The following RNF121 variants were observed in gnomAD, a reference collection of about 807,000 sequenced individuals.
RNF121 encodes the protein E3 ubiquitin ligase RNF121.
A neutral mutation model predicts 46.5 loss-of-function variants in RNF121; 21 were observed. The observed-to-expected ratio is 0.45, with a 90% CI of 0.32 to 0.65. RNF121 has a LOEUF of 0.65. Among genes scored for constraint, RNF121 ranks in the 30% least tolerant of loss-of-function variants. RNF121 has a pLI of 0.04. For missense variants in RNF121, 346 were observed against 416.0 expected, an observed-to-expected ratio of 0.83 and a Z score of 1.46; for synonymous variants, 139 against 144.7, an observed-to-expected ratio of 0.96 and a Z score of 0.28.
intron 1 of RNF121, among the ~76,000 whole-genome samples, chr11:71,953,987 G>A (rs1414561083): frequency 2.0e-5 from 3 of 152,144 alleles, no homozygotes; most frequent in Admixed American, 6.5e-5. Context: ...CATGACTGGG[G>A]GCCTTGTGAG....
intron 6 of RNF121, 21 bp from the exon 7 acceptor site, chr11:71,994,698 C>G: frequency 6.2e-7 from 1 of 1,613,840 alleles, no homozygotes; most frequent in Non-Finnish European, 8.5e-7. Context: ...CCTATCTTTC[C>G]TTCCTGCTAT....
At chr11:71,978,162 A>G (rs572267430) in intron 3 of RNF121, 21 of 452,516 alleles carry the variant, frequency 4.6e-5, no homozygotes, top group African/African-American at 1.0e-4. Flanking sequence ...CAGCCCCCCA[A>G]TGTGCTCGAA....
chr11:71,947,926 T>C (rs771298012), intron 1 of RNF121, among the ~76,000 whole-genome samples: 3 of 152,056 alleles, frequency 2.0e-5, no homozygotes, highest in Non-Finnish European at 4.4e-5. Flanking sequence ...TCAAGGGAGA[T>C]TTTATAGATG....
At chr11:71,983,939 G>T (rs1403126645) in intron 4 of RNF121, among the ~76,000 whole-genome samples, 1 of 152,176 alleles carries the variant, frequency 6.6e-6, no homozygotes, top group African/African-American at 2.4e-5. Flanking sequence ...GAGTTTCATT[G>T]TATAAGGTAA....
chr11:71,946,015 G>T (rs1953706430), intron 1 of RNF121, among the ~76,000 whole-genome samples: 1 of 152,054 alleles, frequency 6.6e-6, no homozygotes, highest in Non-Finnish European at 1.5e-5. Flanking sequence ...GGAGGCTGAG[G>T]TGGGAGTATC....
intron 3 of RNF121, among the ~76,000 whole-genome samples, chr11:71,963,629 G>A (rs1476378197): frequency 6.8e-6 from 1 of 147,344 alleles, no homozygotes; most frequent in Non-Finnish European, 1.5e-5. Flanking sequence ...AAAAAAAAAA[G>A]AGTTTTATAG....
intron 2 of RNF121, among the ~76,000 whole-genome samples, chr11:71,959,927 C>T (rs1328285126): frequency 4.6e-5 from 7 of 152,154 alleles, no homozygotes; most frequent in South Asian, 2.1e-4. Flanking sequence ...TGAGCCACCG[C>T]GCCCGGCCTC....
chr11:71,965,335 C>T (rs1565151908), intron 3 of RNF121, among the ~76,000 whole-genome samples: 1 of 150,660 alleles, frequency 6.6e-6, no homozygotes, highest in Non-Finnish European at 1.5e-5. Flanking sequence ...ACTGCAACCT[C>T]TGCCTCCTGG....
chr11:71,946,107 C>T (rs760917108), intron 1 of RNF121, among the ~76,000 whole-genome samples: 7 of 150,734 alleles, frequency 4.6e-5, no homozygotes, highest in Non-Finnish European at 1.0e-4. Flanking sequence ...TAAGACTCTG[C>T]CTTAAAAAAG....
chr11:71,938,599 G>GT (rs1408555627), intron 1 of RNF121: 2 of 152,148 alleles, frequency 1.3e-5, no homozygotes, highest in Non-Finnish European at 2.9e-5. Context: ...GATTACAGGC[G>GT]TAAGTCACTG....
intron 1 of RNF121, among the ~76,000 whole-genome samples, chr11:71,951,827 C>T (rs140490589): frequency 3.0e-4 from 45 of 152,172 alleles, no homozygotes; most frequent in Middle Eastern, 3.4e-3. Context: ...ATTATAAGTA[C>T]TGGGAAGGAT....
chr11:71,971,884 T>G (rs1954428869), intron 3 of RNF121, among the ~76,000 whole-genome samples: 1 of 152,210 alleles, frequency 6.6e-6, no homozygotes, highest in African/African-American at 2.4e-5. Flanking sequence ...TCAGCGAATA[T>G]ACACATACCC....
intron 3 of RNF121, among the ~76,000 whole-genome samples, chr11:71,982,511 A>C (rs961714274): frequency 6.6e-6 from 1 of 152,188 alleles, no homozygotes; most frequent in Admixed American, 6.6e-5. Flanking sequence ...TCAGCCAGCC[A>C]AGTGGTAGCA....
At chr11:71,953,006 T>C (rs1953919385) in intron 1 of RNF121, among the ~76,000 whole-genome samples, 1 of 152,172 alleles carries the variant, frequency 6.6e-6, no homozygotes, top group Non-Finnish European at 1.5e-5. Context: ...CATATTCCTC[T>C]TGTCTGAGAT....
chr11:71,955,539 G>C (rs1039955764), intron 1 of RNF121, among the ~76,000 whole-genome samples: 1 of 152,052 alleles, frequency 6.6e-6, no homozygotes, highest in Non-Finnish European at 1.5e-5. Context: ...AGTTGGAGCT[G>C]GGTTCTTAAA....
intron 3 of RNF121, among the ~76,000 whole-genome samples, chr11:71,966,663 A>C (rs945572993): frequency 2.0e-5 from 3 of 151,324 alleles, no homozygotes; most frequent in African/African-American, 7.3e-5. Context: ...TATATATTTT[A>C]ATTTTTTGTA....
intron 1 of RNF121, among the ~76,000 whole-genome samples, chr11:71,939,964 G>A (rs1370233498): frequency 6.6e-6 from 1 of 152,224 alleles, no homozygotes; most frequent in African/African-American, 2.4e-5. Context: ...GATGCCACAA[G>A]TGTACAGAAG....
chr11:71,962,190 G>C (rs544538451), intron 3 of RNF121: 2 of 206,028 alleles, frequency 9.7e-6, no homozygotes, highest in Non-Finnish European at 1.7e-5. Context: ...GGATGGTCTC[G>C]ATCTCCTGAC....
At chr11:71,938,074 C>T (rs1953463442) in intron 1 of RNF121, among the ~76,000 whole-genome samples, 1 of 152,168 alleles carries the variant, frequency 6.6e-6, no homozygotes. Flanking sequence ...GCCAAGGTTT[C>T]TGTTCATTTT....
Sources: allele counts gnomAD v4.1 joint callset (sites outside exome capture counted in the v4.1 genomes callset), GRCh38; gene constraint gnomAD v4.1.1; transcripts MANE v1.5; gene names NCBI Gene and HGNC (gene_info 2026-07-23, HGNC 2026-07-21).